CSNK1G1: variants seen among roughly 807,000 people sequenced by gnomAD.
CSNK1G1 encodes the protein casein kinase 1 gamma 1.
Under a neutral mutation model 59.6 loss-of-function variants are expected in CSNK1G1, and 22 were observed. That is an observed-to-expected ratio of 0.37 (90% CI 0.26 to 0.53). The LOEUF (loss-of-function observed/expected upper bound fraction) is 0.53. Ranked by LOEUF, CSNK1G1 falls within the 20% of genes least tolerant of loss-of-function variation. The pLI is 0.89. For missense variants in CSNK1G1, 384 were observed against 519.5 expected, an observed-to-expected ratio of 0.74 and a Z score of 2.54; for synonymous variants, 179 against 177.1, an observed-to-expected ratio of 1.01 and a Z score of -0.08.
At chr15:64,338,822 A>G (rs1897536109) in intron 1 of CSNK1G1, among the ~76,000 whole-genome samples, 1 of 151,340 alleles carries the variant, frequency 6.6e-6, no homozygotes, top group South Asian at 2.1e-4. Context: ...GTTCGAGACC[A>G]GCCTGACCAA....
rs1173268450 is a variant in CSNK1G1 at position 64,167,208 on chromosome 15, A to G, written c.*4723T>C. 1 of 152,226 alleles carries G rather than the reference A, an allele frequency of 6.6e-6. No individual in the cohort carries two copies. The highest frequency in any genetic ancestry group is 2.4e-5 in the African/African-American group (1 of 41,452). 9.4% of individuals were successfully genotyped at this position (152,226 alleles called of 1,614,324 possible). On this transcript the variant is annotated 3_prime_UTR_variant, in exon 12 of 12. Transcript: ENST00000303052. Reference sequence around the variant, plus strand: ...GCTTGCTGGACAAAAGACTTTCAAGATTCCTTACTTGTGGCTAAAACATTG... The same window carrying G: ...GCTTGCTGGACAAAAGACTTTCAAGGTTCCTTACTTGTGGCTAAAACATTG...
chr15:64,184,249 G>C (rs1281289445), intron 10 of CSNK1G1, among the ~76,000 whole-genome samples: 1 of 152,046 alleles, frequency 6.6e-6, no homozygotes, highest in Non-Finnish European at 1.5e-5. Context: ...CTTGCAGTGA[G>C]CAGAGATCAT....
At chr15:64,279,983 A>C (rs1441824139) in intron 2 of CSNK1G1, among the ~76,000 whole-genome samples, 3 of 151,822 alleles carry the variant, frequency 2.0e-5, no homozygotes, top group Non-Finnish European at 2.9e-5. Flanking sequence ...AAAAAAAAAA[A>C]AACAAAACAG....
chr15:64,321,546 C>A (rs2176049), intron 1 of CSNK1G1, among the ~76,000 whole-genome samples: 4 of 152,292 alleles, frequency 2.6e-5, no homozygotes, highest in East Asian at 3.9e-4. Context: ...TTACAGGCAC[C>A]AGCCATCGCA....
At chr15:64,195,710 T>A (rs187579478) in intron 10 of CSNK1G1, among the ~76,000 whole-genome samples, 1 of 152,300 alleles carries the variant, frequency 6.6e-6, no homozygotes, top group African/African-American at 2.4e-5. Context: ...AAGGTTTTCA[T>A]CCCCTTTCTG....
intron 1 of CSNK1G1, among the ~76,000 whole-genome samples, chr15:64,327,146 G>A (rs1288014887): frequency 6.6e-6 from 1 of 152,236 alleles, no homozygotes; most frequent in Non-Finnish European, 1.5e-5. Context: ...AAGCAGCCGG[G>A]AAGCTCGAAC....
intron 1 of CSNK1G1, among the ~76,000 whole-genome samples, chr15:64,337,453 A>C (rs1221448347): frequency 6.6e-6 from 1 of 152,072 alleles, no homozygotes; most frequent in South Asian, 2.1e-4. Context: ...GGTTCAAGCT[A>C]TTCTACCACT....
chr15:64,188,565 C>G lies in CSNK1G1; in HGVS notation c.1108-8111G>C. ...CAGCAAGCAATAACAAAATCAAGTA[C>G]ATTCGTGTCCCTGTAGGTTTTTCTT... On this transcript the variant is annotated intron_variant, in intron 10 of 11. Transcript: ENST00000303052. This position sits in a 1 kb window ranked among gnomAD's most constrained non-coding sequence, Gnocchi z 4.2. 9.8e-7 allele frequency: 1 copy of G among 1,017,888 alleles called. No homozygotes were observed. Among genetic ancestry groups the G allele is most frequent in the Non-Finnish European group, 1.5e-6 (1 of 685,976 alleles). 63.1% of individuals were successfully genotyped at this position (1,017,888 alleles called of 1,614,324 possible). A position where few individuals can be genotyped will look rare whatever the true frequency, so the allele number is the denominator to read the frequency against.
At position 64,198,729 on chromosome 15, in the gene CSNK1G1, T is replaced by TA. The variant is rs61213062; in HGVS notation, c.1107+4352dup. The stretch of plus-strand genomic sequence containing the variant: ...AGAGAGATTTGGCTGCAAATTTTCT[T>TA]AAAAAAAAAAAAAGGGCATAAGAAA... On this transcript the variant is annotated intron_variant, in intron 10 of 11. Coordinates refer to ENST00000303052, the MANE Select transcript of CSNK1G1 (RefSeq NM_022048.5). Among the ~76,000 whole-genome samples the TA allele has an allele frequency of 3.7e-3, 523 of 141,552 alleles. 1 individual carries two copies. The highest frequency in any genetic ancestry group is 6.0e-3 in the Admixed American group (84 of 14,038). The allele number at this position is 141,552 out of a possible 152,430, so 92.9% of individuals were successfully genotyped here.
At chr15:64,197,360 C>T (rs1192246823) in intron 10 of CSNK1G1, among the ~76,000 whole-genome samples, 13 of 152,200 alleles carry the variant, frequency 8.5e-5, no homozygotes, top group Admixed American at 8.5e-4. Flanking sequence ...GAGAACCATC[C>T]TCTGCCTGCT....
intron 10 of CSNK1G1, among the ~76,000 whole-genome samples, chr15:64,185,450 A>T (rs758798315): frequency 2.6e-5 from 4 of 152,216 alleles, no homozygotes; most frequent in Non-Finnish European, 5.9e-5. Context: ...AAATGGTGTA[A>T]CTGCCTGTCC....
chr15:64,259,208 A>G lies in CSNK1G1; in HGVS notation c.215T>C (p.Ile72Thr). The G allele has an allele frequency of 6.3e-7, 1 of 1,595,880 alleles. No homozygotes were observed. The highest frequency in any genetic ancestry group is 8.5e-7 in the Non-Finnish European group (1 of 1,169,670). Reference protein sequence around the residue: ...KNLYTNEYVAIKLEPIKSRAP... With the variant: ...KNLYTNEYVATKLEPIKSRAP... ...CAAACAGATTCTACTCACCAGTTTG[A>G]TTGCTACATATTCATTGGTGTAGAG... Residue 72 changes from isoleucine (I) to threonine (T), a missense_variant, in exon 3 of 12, where the codon ATC becomes ACC. Ile to Thr is a moderately conservative substitution (Grantham distance 89, BLOSUM62 -1). Coordinates refer to ENST00000303052, the MANE Select transcript of CSNK1G1 (RefSeq NM_022048.5).
intron 10 of CSNK1G1, among the ~76,000 whole-genome samples, chr15:64,202,681 T>C (rs1420336959): frequency 3.9e-5 from 6 of 152,086 alleles, no homozygotes; most frequent in Non-Finnish European, 1.5e-5. Flanking sequence ...GCCTCCAAAG[T>C]AGCTGGGACT....
chr15:64,260,056 C>T (rs1892611924), intron 2 of CSNK1G1, among the ~76,000 whole-genome samples: 1 of 152,200 alleles, frequency 6.6e-6, no homozygotes, highest in South Asian at 2.1e-4. Context: ...ACCTCCCCAT[C>T]CTCACTAATC....
At chr15:64,329,224 T>C (rs1487613007) in intron 1 of CSNK1G1, among the ~76,000 whole-genome samples, 3 of 151,992 alleles carry the variant, frequency 2.0e-5, no homozygotes, top group African/African-American at 7.2e-5. Flanking sequence ...AATATACATT[T>C]TTTTCAGCAC....
At chr15:64,277,066 C>T (rs1457595342) in intron 2 of CSNK1G1, among the ~76,000 whole-genome samples, 1 of 152,034 alleles carries the variant, frequency 6.6e-6, no homozygotes, top group Non-Finnish European at 1.5e-5. Flanking sequence ...GTGACTTGAA[C>T]TTGATCATTA....
At chr15:64,355,138 T>C (rs866454683) in intron 1 of CSNK1G1, among the ~76,000 whole-genome samples, 10 of 152,214 alleles carry the variant, frequency 6.6e-5, no homozygotes, top group Non-Finnish European at 1.2e-4. Flanking sequence ...AGACCTGTGA[T>C]ACATCTATAT....
intron 2 of CSNK1G1, among the ~76,000 whole-genome samples, chr15:64,278,320 T>A (rs1292183446): frequency 1.3e-5 from 2 of 151,214 alleles, no homozygotes; most frequent in Non-Finnish European, 2.9e-5. Context: ...GTGCCGGGAT[T>A]GTAGGCGTGA....
At chr15:64,348,388 A>T (rs1330565003) in intron 1 of CSNK1G1, 1 of 152,190 alleles carries the variant, frequency 6.6e-6, no homozygotes, top group East Asian at 1.9e-4. Context: ...AGATGTTAAT[A>T]ATAGGGGAAA....
Sources: gnomAD v4.1 joint callset for allele counts (sites outside exome capture counted in the v4.1 genomes callset) on GRCh38, gnomAD v4.1.1 for gene constraint, Gnocchi (gnomAD v3.1) non-coding constraint, MANE v1.5 for transcripts, NCBI Gene and HGNC (gene_info 2026-07-23, HGNC 2026-07-21) for gene names.